PLCB4: variants seen among roughly 807,000 people sequenced by gnomAD.
PLCB4 encodes the protein phospholipase C beta 4.
Under a neutral mutation model 178.8 loss-of-function variants are expected in PLCB4, and 77 were observed. That is an observed-to-expected ratio of 0.43 (90% CI 0.36 to 0.52). The LOEUF (loss-of-function observed/expected upper bound fraction) is 0.52, where lower values mean the gene tolerates loss of function less well. PLCB4 is among the 20% of genes least tolerant of loss of function. PLCB4 has a pLI of 0.00. For missense variants in PLCB4, 1,024 were observed against 1,453.4 expected (o/e 0.70, Z 4.80); for synonymous variants, 496 against 490.8 (o/e 1.01, Z -0.14).
At chr20:9,344,055 G>A (rs2033535282) in intron 7 of PLCB4, among the ~76,000 whole-genome samples, 1 of 152,154 alleles carries the variant, frequency 6.6e-6, no homozygotes, top group African/African-American at 2.4e-5. Context: ...CAGCTGGAGG[G>A]ATGTTTTTAA....
In PLCB4 at chr20:9,170,056, T is replaced by A. The variant is rs149355776; in HGVS notation, c.-78-47334T>A. 1.8e-3 allele frequency among the ~76,000 whole-genome samples: 280 copies of A among 152,338 alleles called. 2 individuals carry two copies. The highest frequency in any genetic ancestry group is 0.014 in the Middle Eastern group (4 of 294). The stretch of plus-strand genomic sequence containing the variant: ...GTACATAGCTTGAACTTTCAACAAG[T>A]GGACGCACCCAGATAAATCAGTCCT... On this transcript the variant is annotated intron_variant, in intron 2 of 39. Coordinates refer to ENST00000378473, the MANE Select transcript of PLCB4 (RefSeq NM_001377142.1).
Position 9,239,300 on chromosome 20 carries a change from T to G in PLCB4, c.-16+21848T>G, listed in dbSNP as rs949895807. Among the ~76,000 whole-genome samples the G allele has an allele frequency of 9.9e-5, 15 of 152,204 alleles. 1 individual carries two copies. Among genetic ancestry groups the G allele is most frequent in the Admixed American group, 8.5e-4 (13 of 15,276 alleles). ...ATCCAAGCATTTTCTTTGTCTTATT[T>G]TTTCATATCTTACATCATGATAGCT... On this transcript the variant is annotated intron_variant, in intron 3 of 39. Transcript: ENST00000378473.
At chr20:9,300,384 A>C (rs2094689054) in intron 3 of PLCB4, among the ~76,000 whole-genome samples, 1 of 152,164 alleles carries the variant, frequency 6.6e-6, no homozygotes, top group Non-Finnish European at 1.5e-5. Context: ...GCACTTAATA[A>C]AATTTATAAC....
chr20:9,206,121 A>G (rs2093610569), intron 2 of PLCB4, among the ~76,000 whole-genome samples: 1 of 152,142 alleles, frequency 6.6e-6, no homozygotes, highest in Non-Finnish European at 1.5e-5. Flanking sequence ...TATTTCTGTT[A>G]AGATTTTCAT....
chr20:9,413,879 A>C (rs2040054709), intron 25 of PLCB4, among the ~76,000 whole-genome samples: 1 of 151,588 alleles, frequency 6.6e-6, no homozygotes, highest in African/African-American at 2.4e-5. Context: ...TCCCTCCTCC[A>C]CCCCTCAAAT....
At chr20:9,115,238 C>T (rs964746458) in intron 2 of PLCB4, among the ~76,000 whole-genome samples, 1 of 151,916 alleles carries the variant, frequency 6.6e-6, no homozygotes, top group Non-Finnish European at 1.5e-5. Context: ...TTTTGTAAAT[C>T]CTGAATAAAT....
rs537887284 is a variant in PLCB4 at position 9,077,534 on chromosome 20, A to G, written c.-135+8328A>G. 1.1e-4 allele frequency among the ~76,000 whole-genome samples: 17 copies of G among 152,356 alleles called. 1 individual carries two copies. Among genetic ancestry groups the G allele is most frequent in the African/African-American group, 3.1e-4 (13 of 41,586 alleles). ...CAGGAAGTGATTTTAGAAACAGACT[A>G]TGTCCTTAAAATCCCTTGAAAATAC... On this transcript the variant is annotated intron_variant, in intron 1 of 39. Transcript: ENST00000378473.
intron 28 of PLCB4, among the ~76,000 whole-genome samples, chr20:9,432,278 T>C (rs1375926993): frequency 6.6e-6 from 1 of 152,214 alleles, no homozygotes; most frequent in African/African-American, 2.4e-5. Context: ...TTCTTTAATG[T>C]CTTGCTTTAT....
intron 4 of PLCB4, among the ~76,000 whole-genome samples, chr20:9,328,384 A>C (rs2031065756): frequency 6.6e-6 from 1 of 151,972 alleles, no homozygotes; most frequent in South Asian, 2.1e-4. Flanking sequence ...TACAAAATAC[A>C]CTCCCCCATA....
intron 2 of PLCB4, among the ~76,000 whole-genome samples, chr20:9,150,172 T>A (rs563476411): frequency 2.0e-5 from 3 of 152,310 alleles, no homozygotes; most frequent in Admixed American, 6.5e-5. Flanking sequence ...GAAAGATAAA[T>A]ACAGTGATTA....
At chr20:9,115,356 C>G (rs2091738059) in intron 2 of PLCB4, among the ~76,000 whole-genome samples, 1 of 151,582 alleles carries the variant, frequency 6.6e-6, no homozygotes, top group Non-Finnish European at 1.5e-5. Context: ...ATATATAACC[C>G]TCCCTATATA....
At chr20:9,452,746 C>T (rs1211478791) in intron 32 of PLCB4, among the ~76,000 whole-genome samples, 1 of 152,062 alleles carries the variant, frequency 6.6e-6, no homozygotes, top group East Asian at 1.9e-4. Flanking sequence ...ACACTTTATC[C>T]TCATAAACTG....
chr20:9,155,587 A>G (rs1196471708), intron 2 of PLCB4, among the ~76,000 whole-genome samples: 1 of 152,140 alleles, frequency 6.6e-6, no homozygotes, highest in Non-Finnish European at 1.5e-5. Flanking sequence ...AAACTCACCC[A>G]GTTAAAATTT....
chr20:9,142,224 A>G (rs1368638888), intron 2 of PLCB4, among the ~76,000 whole-genome samples: 1 of 147,364 alleles, frequency 6.8e-6, no homozygotes. Flanking sequence ...GAGAGAGGGA[A>G]GTGCACAAAA....
rs1031175453 is a variant in PLCB4, at chr20:9,339,017, G to A, written c.349G>A (p.Glu117Lys). The change falls in exon 7 of 40, where the codon GAA becomes AAA. Residue 117 changes from glutamate (E) to lysine (K), a missense_variant. Glu to Lys is a moderately conservative substitution (Grantham distance 56). Coordinates refer to ENST00000378473, the MANE Select transcript of PLCB4 (RefSeq NM_001377142.1). ...VNISFTYMVAENPEVTKQWVE... is the reference protein window; with the variant it reads ...VNISFTYMVAKNPEVTKQWVE... ...CATTAGTTTTACCTACATGGTGGCTGAAAATCCAGAAGTAACTAAGGTAGC... is the reference window on the plus strand; with the variant it reads ...CATTAGTTTTACCTACATGGTGGCTAAAAATCCAGAAGTAACTAAGGTAGC... 1.2e-6 allele frequency: 2 copies of A among 1,613,230 alleles called. No individual in the cohort carries two copies. Among genetic ancestry groups the A allele is most frequent in the Non-Finnish European group, 1.7e-6 (2 of 1,179,418 alleles).
chr20:9,430,151 G>A (rs755953463), intron 28 of PLCB4, among the ~76,000 whole-genome samples: 9 of 152,180 alleles, frequency 5.9e-5, no homozygotes, highest in Non-Finnish European at 1.2e-4. Context: ...TTACAAATTC[G>A]TGTTGGGCCA....
intron 3 of PLCB4, among the ~76,000 whole-genome samples, chr20:9,283,165 A>G (rs1484267968): frequency 6.6e-6 from 1 of 151,924 alleles, no homozygotes; most frequent in Admixed American, 6.6e-5. Context: ...GAAGGGACAC[A>G]CTTTATCTTC....
chr20:9,354,248 T>C (rs1010192015), intron 7 of PLCB4, among the ~76,000 whole-genome samples: 1 of 152,238 alleles, frequency 6.6e-6, no homozygotes, highest in Non-Finnish European at 1.5e-5. Context: ...AAATTTTAAA[T>C]GCTCACCCTA....
intron 3 of PLCB4, among the ~76,000 whole-genome samples, chr20:9,304,069 G>T: frequency 6.7e-6 from 1 of 149,778 alleles, no homozygotes; most frequent in African/African-American, 2.5e-5. Flanking sequence ...ATCCAATTCA[G>T]AAAACAATTA....
Sources: allele counts gnomAD v4.1 joint callset (sites outside exome capture counted in the v4.1 genomes callset), GRCh38; gene constraint gnomAD v4.1.1; transcripts MANE v1.5; gene names NCBI Gene and HGNC (gene_info 2026-07-23, HGNC 2026-07-21).